CHST9: variants seen among roughly 807,000 people sequenced by gnomAD.
The protein encoded by CHST9 is carbohydrate sulfotransferase 9.
A neutral mutation model predicts 44.4 loss-of-function variants in CHST9; 41 were observed. The observed-to-expected ratio is 0.92, with a 90% CI of 0.72 to 1.20. The LOEUF is 1.20. Ranked by LOEUF, CHST9 falls within the 50% of genes most tolerant of loss-of-function variation. The pLI is 0.00. For synonymous variants in CHST9, 171 were observed against 178.4 expected (o/e 0.96, Z 0.33); for missense variants, 504 against 516.5 (o/e 0.98, Z 0.23).
intron 1 of CHST9, among the ~76,000 whole-genome samples, chr18:27,162,053 T>C (rs2058751664): frequency 1.3e-5 from 2 of 152,192 alleles, no homozygotes; most frequent in South Asian, 4.1e-4. Flanking sequence ...GGGTCTTGAC[T>C]CTTTATCCAA....
At position 27,172,840 on chromosome 18, in the gene CHST9, TAA is replaced by T. The variant is rs1450301093; in HGVS notation, c.-97+12294_-97+12295del. Among the ~76,000 whole-genome samples, 3 of 152,122 alleles carry T rather than the reference TAA, an allele frequency of 2.0e-5. No homozygotes were observed. In the East Asian group the frequency reaches 5.8e-4, roughly 29 times the overall value. On this transcript the variant is annotated intron_variant, in intron 1 of 5. Transcript: ENST00000618847. The stretch of plus-strand genomic sequence containing the variant: ...ATCTTTGGTTTATTATATTGTACAT[TAA>T]GATACATGATATATTGTATGTTAAG...
chr18:27,115,296 A>T (rs2143793490), intron 2 of CHST9, among the ~76,000 whole-genome samples: 1 of 152,306 alleles, frequency 6.6e-6, no homozygotes, highest in African/African-American at 2.4e-5. Flanking sequence ...TATTATAAAT[A>T]ATATATGATA....
At chr18:27,112,261 G>A (rs1214660946) in intron 2 of CHST9, among the ~76,000 whole-genome samples, 1 of 151,220 alleles carries the variant, frequency 6.6e-6, no homozygotes, top group Non-Finnish European at 1.5e-5. Flanking sequence ...CCCAGGATGT[G>A]TATGTGTGTG....
At chr18:26,975,831 C>A (rs1454693557) in intron 4 of CHST9, among the ~76,000 whole-genome samples, 1 of 145,866 alleles carries the variant, frequency 6.9e-6, no homozygotes, top group Non-Finnish European at 1.5e-5. Flanking sequence ...TATAGTTCAA[C>A]CTGATTTTTG....
chr18:27,131,022 C>A (rs16943314), intron 2 of CHST9, among the ~76,000 whole-genome samples: 11 of 152,086 alleles, frequency 7.2e-5, no homozygotes, highest in African/African-American at 2.2e-4. Flanking sequence ...AGAAAAGAAA[C>A]CATCATGTAC....
In CHST9 at chr18:27,025,164, T is replaced by C. The variant is rs563409573; in HGVS notation, c.161-1007A>G. The stretch of plus-strand genomic sequence containing the variant: ...TATAACTATAATGAAATATATATTA[T>C]ATAATACACTTACATATATTATATA... On this transcript the variant is annotated intron_variant, in intron 3 of 5. Transcript: ENST00000618847. 1.6e-4 allele frequency among the ~76,000 whole-genome samples: 23 copies of C among 148,226 alleles called. No individual in the cohort carries two copies. The South Asian group carries it at 4.4e-3, about 28-fold the overall frequency.
chr18:27,165,365 A>C (rs2058782193), intron 1 of CHST9, among the ~76,000 whole-genome samples: 1 of 152,208 alleles, frequency 6.6e-6, no homozygotes, highest in South Asian at 2.1e-4. Context: ...ACATTGTCAT[A>C]ATAATGAAAG....
At chr18:27,179,096 CTCTCTCTCTA>C (rs2058890984) in intron 1 of CHST9, among the ~76,000 whole-genome samples, 5 of 129,542 alleles carry the variant, frequency 3.9e-5, no homozygotes, top group Admixed American at 7.6e-5. Context: ...CTCTCTCTCT[CTCTCTCTCTA>C]TATATATATA....
intron 1 of CHST9, among the ~76,000 whole-genome samples, chr18:27,167,564 A>G (rs915234768): frequency 7.2e-5 from 11 of 152,234 alleles, no homozygotes; most frequent in African/African-American, 2.7e-4. Context: ...CATTCATCAA[A>G]TATATTTTCA....
chr18:26,976,062 G>A (rs1415722353), intron 4 of CHST9, among the ~76,000 whole-genome samples: 1 of 151,740 alleles, frequency 6.6e-6, no homozygotes, highest in Non-Finnish European at 1.5e-5. Context: ...GCACATTAGA[G>A]GGGCTCCAAC....
chr18:26,997,116 T>A (rs1030848113), intron 4 of CHST9, among the ~76,000 whole-genome samples: 1 of 152,200 alleles, frequency 6.6e-6, no homozygotes, highest in East Asian at 1.9e-4. Context: ...AATTCCACCT[T>A]TGCATCTTTA....
At chr18:27,115,603 C>A in intron 2 of CHST9, among the ~76,000 whole-genome samples, 1 of 152,156 alleles carries the variant, frequency 6.6e-6, no homozygotes, top group East Asian at 1.9e-4. Flanking sequence ...CAGCCTCAAC[C>A]TCTTGAGCTC....
At position 26,926,445 on chromosome 18, in the gene CHST9, C is replaced by T. The variant is rs565859382; in HGVS notation, c.241-9095G>A. 2.6e-5 allele frequency among the ~76,000 whole-genome samples: 4 copies of T among 152,260 alleles called. No individual in the cohort carries two copies. In the South Asian group the frequency reaches 8.3e-4, roughly 32 times the overall value. ...TCTGGTTTGACAAGACCATCAGAAG[C>T]GGAAAACTGACATAACCTTAATGTA... On this transcript the variant is annotated intron_variant, in intron 5 of 5. Transcript: ENST00000618847.
chr18:27,066,016 A>G (rs1049017903), intron 2 of CHST9, among the ~76,000 whole-genome samples: 2 of 152,142 alleles, frequency 1.3e-5, no homozygotes, highest in African/African-American at 4.8e-5. Flanking sequence ...GGAAGAGCTT[A>G]TTAGCCCCCA....
chr18:27,115,389 G>C (rs1191593951), intron 2 of CHST9, among the ~76,000 whole-genome samples: 1 of 152,156 alleles, frequency 6.6e-6, no homozygotes, highest in African/African-American at 2.4e-5. Context: ...GAATGGAATA[G>C]CTGGTTCATA....
At chr18:27,108,719 C>G (rs983962004) in intron 2 of CHST9, among the ~76,000 whole-genome samples, 1 of 152,140 alleles carries the variant, frequency 6.6e-6, no homozygotes, top group Non-Finnish European at 1.5e-5. Flanking sequence ...GAAAAATGAT[C>G]ACTTCTTATC....
At chr18:27,085,206 C>T (rs1162110590) in intron 2 of CHST9, among the ~76,000 whole-genome samples, 1 of 151,720 alleles carries the variant, frequency 6.6e-6, no homozygotes, top group African/African-American at 2.4e-5. Context: ...GGACATAGGC[C>T]CTGGCAAAGA....
intron 4 of CHST9, among the ~76,000 whole-genome samples, chr18:26,976,512 C>A (rs574059270): frequency 6.6e-6 from 1 of 152,040 alleles, no homozygotes; most frequent in Non-Finnish European, 1.5e-5. Context: ...CATTAGGAAG[C>A]GATTTTGCTT....
At chr18:27,058,816 T>G (rs2143604630) in intron 2 of CHST9, among the ~76,000 whole-genome samples, 1 of 152,284 alleles carries the variant, frequency 6.6e-6, no homozygotes, top group Non-Finnish European at 1.5e-5. Flanking sequence ...CCCAAATCCC[T>G]AAGCCACAAA....
Sources: allele counts gnomAD v4.1 joint callset (sites outside exome capture counted in the v4.1 genomes callset), GRCh38; gene constraint gnomAD v4.1.1; transcripts MANE v1.5; gene names NCBI Gene and HGNC (gene_info 2026-07-23, HGNC 2026-07-21).